CUTC: variants seen among roughly 807,000 people sequenced by gnomAD.
CUTC encodes the protein copper homeostasis protein cutC homolog.
CUTC carries 27 observed loss-of-function variants against 36.2 expected under a neutral mutation model. The observed-to-expected ratio is 0.75, with a 90% CI of 0.55 to 1.03. The LOEUF (loss-of-function observed/expected upper bound fraction) is 1.03. Ranked by LOEUF, CUTC falls within the 50% of genes least tolerant of loss-of-function variation. CUTC has a pLI of 0.00. For missense variants in CUTC, 315 were observed against 343.5 expected, an observed-to-expected ratio of 0.92 and a Z score of 0.66; for synonymous variants, 114 against 118.3, an observed-to-expected ratio of 0.96 and a Z score of 0.24.
intron 2 of CUTC, 69 bp downstream of exon 2, chr10:99,736,386 C>G (rs1203056375): frequency 4.1e-5 from 49 of 1,183,264 alleles, no homozygotes; most frequent in Non-Finnish European, 5.8e-5. Flanking sequence ...ATCCTGTGTG[C>G]TTATCTCAGA....
chr10:99,755,669 A>T lies in CUTC; in HGVS notation c.752A>T (p.Tyr251Phe), dbSNP rs1368380794. The T allele has an allele frequency of 2.5e-6, 4 of 1,613,996 alleles. No homozygotes were observed. The highest frequency in any genetic ancestry group is 2.5e-6 in the Non-Finnish European group (3 of 1,179,894). ...AMGASLSCSE[Y>F]SLKVTDVTKV... ...GGAGCCTCACTTTCTTGCTCAGAAT[A>T]TTCCCTAAAGGTAACAGATGTGACC... The change falls in exon 9 of 9, where the codon TAT (tyrosine) becomes TTT (phenylalanine). Residue 251 changes from tyrosine (Y) to phenylalanine (F), a missense_variant. Tyr to Phe is a conservative substitution (Grantham distance 22). Coordinates refer to ENST00000370476, the MANE Select transcript of CUTC (RefSeq NM_015960.3).
chr10:99,746,457 C>T (rs1351978186), intron 5 of CUTC, among the ~76,000 whole-genome samples: 1 of 151,908 alleles, frequency 6.6e-6, no homozygotes, highest in Non-Finnish European at 1.5e-5. Flanking sequence ...AACAAACTCC[C>T]AAGACACGGG....
intron 6 of CUTC, 75 bp from the exon 7 acceptor site, chr10:99,750,294 C>T: frequency 9.3e-7 from 1 of 1,073,306 alleles, no homozygotes; most frequent in Non-Finnish European, 1.3e-6. Flanking sequence ...ACTTATGTTT[C>T]TATTCTCACT....
chr10:99,733,768 C>T (rs1195844411), intron 1 of CUTC, among the ~76,000 whole-genome samples: 1 of 152,226 alleles, frequency 6.6e-6, no homozygotes, highest in Non-Finnish European at 1.5e-5. Context: ...CTCTGGACTA[C>T]TACACTTTGA....
At chr10:99,740,618 C>T (rs1420998953) in intron 3 of CUTC, among the ~76,000 whole-genome samples, 2 of 151,716 alleles carry the variant, frequency 1.3e-5, no homozygotes, top group Non-Finnish European at 2.9e-5. Flanking sequence ...ATAGTTTTTT[C>T]ATGTTTCTTG....
chr10:99,747,146 T>G, intron 5 of CUTC, 111 bp from the exon 6 acceptor site: 2 of 1,214,026 alleles, frequency 1.6e-6, no homozygotes, highest in Admixed American at 4.6e-5. Flanking sequence ...AATTGGCCTT[T>G]GTAAGCCAGT....
At chr10:99,753,217 T>C (rs546727356) in intron 7 of CUTC, among the ~76,000 whole-genome samples, 21 of 152,326 alleles carry the variant, frequency 1.4e-4, no homozygotes, top group African/African-American at 5.1e-4. Flanking sequence ...TTAGAAGGAA[T>C]AGAAGGAAAT....
intron 6 of CUTC, among the ~76,000 whole-genome samples, chr10:99,748,202 T>C (rs534069473): frequency 6.6e-6 from 1 of 152,298 alleles, no homozygotes; most frequent in South Asian, 2.1e-4. Context: ...TGTGTGAAAC[T>C]GAGATGAGTT....
chr10:99,745,950 T>C (rs2037375055), intron 5 of CUTC, among the ~76,000 whole-genome samples: 1 of 152,244 alleles, frequency 6.6e-6, no homozygotes. Flanking sequence ...GTGGGGTTAA[T>C]AGATTAATCC....
intron 7 of CUTC, among the ~76,000 whole-genome samples, chr10:99,751,907 C>T (rs140965373): frequency 9.9e-4 from 151 of 152,300 alleles, no homozygotes; most frequent in Non-Finnish European, 1.9e-3. Context: ...GTCCTACTTT[C>T]TGGATTTATC....
chr10:99,742,988 C>T (rs2037351638), intron 3 of CUTC, among the ~76,000 whole-genome samples, 165 bp from the exon 4 acceptor site: 1 of 152,164 alleles, frequency 6.6e-6, no homozygotes, highest in Non-Finnish European at 1.5e-5. Flanking sequence ...TTTTCTAAAT[C>T]GTTCTATTTA....
At chr10:99,741,153 A>G (rs550357517) in intron 3 of CUTC, among the ~76,000 whole-genome samples, 1 of 152,288 alleles carries the variant, frequency 6.6e-6, no homozygotes, top group Non-Finnish European at 1.5e-5. Context: ...GACATTTTTG[A>G]ATTCCTACAA....
rs537180594 is a variant in CUTC, at chr10:99,747,204, ACT to A, written c.440-50_440-49del. On this transcript the variant is annotated intron_variant, in intron 5 of 8. Coordinates refer to ENST00000370476, the MANE Select transcript of CUTC (RefSeq NM_015960.3). ...CTGCATGTATACTACATTTTGGGAA[ACT>A]CTGCGTTAGAGATACCTGTTCAAAA... 140 of 1,596,484 alleles carry A rather than the reference ACT, an allele frequency of 8.8e-5. 1 individual carries two copies. In the South Asian group the frequency reaches 1.2e-3, roughly 13 times the overall value.
At chr10:99,753,546 T>A (rs1395267232) in intron 7 of CUTC, among the ~76,000 whole-genome samples, 5 of 152,140 alleles carry the variant, frequency 3.3e-5, no homozygotes, top group Non-Finnish European at 5.9e-5. Flanking sequence ...AATAGGTGGG[T>A]CTACAGGCAC....
intron 8 of CUTC, among the ~76,000 whole-genome samples, chr10:99,755,189 A>G (rs1212113436): frequency 6.6e-6 from 1 of 152,148 alleles, no homozygotes; most frequent in Non-Finnish European, 1.5e-5. Flanking sequence ...ACACAATGTA[A>G]AAGAAGCAAG....
In CUTC at chr10:99,755,757, A is replaced by G. The variant is rs781266317; in HGVS notation, c.*18A>G. 66 of 1,454,494 alleles carry G rather than the reference A, an allele frequency of 4.5e-5. No individual in the cohort carries two copies. Among genetic ancestry groups the G allele is most frequent in the Non-Finnish European group, 6.3e-5 (65 of 1,036,080 alleles). The allele number at this position is 1,454,494 out of a possible 1,614,324, so 90.1% of individuals were successfully genotyped here. ...TGGTGTAGCCAGACCTCTCTGAGAG[A>G]CATGGATATCACAGGATGAAGGTAG... is the stretch of plus-strand genomic sequence containing the variant. On this transcript the variant is annotated 3_prime_UTR_variant, in exon 9 of 9. Transcript: ENST00000370476.
chr10:99,745,282 T>C (rs2133673458), intron 5 of CUTC, among the ~76,000 whole-genome samples: 1 of 152,350 alleles, frequency 6.6e-6, no homozygotes, highest in East Asian at 1.9e-4. Context: ...CACATTTTTC[T>C]CACTAATGTA....
At chr10:99,735,198 T>C (rs1424487681) in intron 1 of CUTC, among the ~76,000 whole-genome samples, 2 of 149,940 alleles carry the variant, frequency 1.3e-5, no homozygotes, top group Non-Finnish European at 3.0e-5. Flanking sequence ...AGGTAGAAAG[T>C]AATTCATATT....
chr10:99,750,495 C>T (rs1021195279), intron 7 of CUTC, 99 bp downstream of exon 7: 26 of 720,656 alleles, frequency 3.6e-5, no homozygotes, highest in Non-Finnish European at 5.0e-5. Context: ...TAGTACATTA[C>T]ATATTAGTAC....
Sources: gnomAD v4.1 joint callset for allele counts (sites outside exome capture counted in the v4.1 genomes callset) on GRCh38, gnomAD v4.1.1 for gene constraint, MANE v1.5 for transcripts, NCBI Gene and HGNC (gene_info 2026-07-23, HGNC 2026-07-21) for gene names.